Variants in CHD2 observed in about 807,000 individuals in gnomAD.
CHD2 encodes chromodomain helicase DNA binding protein 2, also known as ATP-dependent chromatin remodeler CHD2.
CHD2 carries 28 observed loss-of-function variants against 243.9 expected under a neutral mutation model. The observed-to-expected ratio is 0.11, with a 90% CI of 0.09 to 0.16. CHD2 has a LOEUF of 0.16. Ranked by LOEUF, CHD2 falls within the 10% of genes least tolerant of loss-of-function variation. The probability of loss-of-function intolerance (pLI) is 1.00; values close to 1 mark genes in which losing one functional copy is unlikely to be tolerated. For missense variants in CHD2, 1,386 were observed against 2,209.8 expected, an observed-to-expected ratio of 0.63 and a Z score of 7.47; for synonymous variants, 775 against 779.0, an observed-to-expected ratio of 0.99 and a Z score of 0.09.
At chr15:92,916,216 G>GC (rs922185093) in intron 2 of CHD2, among the ~76,000 whole-genome samples, 2 of 144,438 alleles carry the variant, frequency 1.4e-5, no homozygotes, top group Admixed American at 7.0e-5. Flanking sequence ...ACCAAGCTGT[G>GC]CCCCATCACC....
At chr15:92,949,172 T>C in intron 13 of CHD2, 96 bp downstream of exon 13, 2 of 1,560,754 alleles carry the variant, frequency 1.3e-6, no homozygotes, top group Non-Finnish European at 1.7e-6. Context: ...CACACCCTTA[T>C]TGTATCTCAA....
chr15:92,925,910 ATGT>A (rs537198903), intron 3 of CHD2, among the ~76,000 whole-genome samples: 19 of 151,994 alleles, frequency 1.3e-4, no homozygotes, highest in East Asian at 1.9e-4. Flanking sequence ...CATCATTTTT[ATGT>A]TGTTGTTGTT....
At chr15:93,013,832 G>A (rs545465952) in intron 36 of CHD2, among the ~76,000 whole-genome samples, 1 of 149,992 alleles carries the variant, frequency 6.7e-6, no homozygotes, top group East Asian at 2.1e-4. Flanking sequence ...CCCCTCAGGA[G>A]GCTGAAGTGG....
intron 2 of CHD2, among the ~76,000 whole-genome samples, chr15:92,914,779 TTAGG>T (rs1242761234): frequency 1.3e-5 from 2 of 152,138 alleles, no homozygotes; most frequent in Non-Finnish European, 2.9e-5. Context: ...GATTAACAAA[TTAGG>T]TAGCACCCCA....
At chr15:92,979,866 C>T (rs1016132929) in intron 22 of CHD2, among the ~76,000 whole-genome samples, 1 of 150,616 alleles carries the variant, frequency 6.6e-6, no homozygotes, top group East Asian at 1.9e-4. Flanking sequence ...TACAGTGAGC[C>T]GAGATTGTGC....
rs2054203935 is a variant in CHD2, at chr15:92,997,665, A to G, written c.3885+262A>G. 3.6e-6 allele frequency: 1 copy of G among 276,204 alleles called. No homozygotes were observed. Among genetic ancestry groups the G allele is most frequent in the African/African-American group, 2.2e-5 (1 of 45,288 alleles). 17.1% of individuals were successfully genotyped at this position (276,204 alleles called of 1,614,324 possible). On this transcript the variant is annotated intron_variant, in intron 30 of 38. Coordinates refer to ENST00000394196, the MANE Select transcript of CHD2 (RefSeq NM_001271.4). The surrounding 1 kb of genome is among the most constrained non-coding windows in gnomAD (Gnocchi z 4.1). The stretch of plus-strand genomic sequence containing the variant: ...GGTATTTAATTATAGGTCAGATTTC[A>G]TTACAATAAATACCCAGGTGAGTTT...
chr15:92,995,525 T>C (rs1015226202), intron 28 of CHD2, among the ~76,000 whole-genome samples: 1 of 152,214 alleles, frequency 6.6e-6, no homozygotes, highest in Admixed American at 6.5e-5. Context: ...GAAGAGAACA[T>C]ACTCTTTTGC....
intron 2 of CHD2, chr15:92,904,368 C>A (rs962982294): frequency 1.0e-5 from 9 of 870,108 alleles, no homozygotes; most frequent in Non-Finnish European, 1.1e-5. Flanking sequence ...GCGCCTTCGG[C>A]AGCCTCCGCC....
chr15:92,901,133 G>GC, intron 1 of CHD2, 34 bp from the exon 2 acceptor site: 1 of 714,312 alleles, frequency 1.4e-6, no homozygotes, highest in Non-Finnish European at 2.5e-6. Flanking sequence ...ATCGATAGAA[G>GC]CCGGGACCTT....
chr15:92,936,088 T>C (rs1257462775), intron 5 of CHD2, among the ~76,000 whole-genome samples: 2 of 152,156 alleles, frequency 1.3e-5, no homozygotes, highest in Admixed American at 1.3e-4. Flanking sequence ...TTGAATAATA[T>C]TCATAAAATT....
intron 32 of CHD2, 99 bp from the exon 33 acceptor site, chr15:93,002,078 C>A: frequency 6.9e-7 from 1 of 1,455,390 alleles, no homozygotes; most frequent in African/African-American, 1.4e-5. Context: ...TAAGTATAGA[C>A]AGTGATGAAC....
At chr15:92,903,231 T>C (rs1056439389) in intron 2 of CHD2, among the ~76,000 whole-genome samples, 5 of 152,252 alleles carry the variant, frequency 3.3e-5, no homozygotes, top group Non-Finnish European at 5.9e-5. Context: ...GGTAGATTAA[T>C]ATTACTTCTA....
Position 92,997,475 on chromosome 15 carries a change from TCTAA to T in CHD2, c.3885+76_3885+79del. 7.3e-7 allele frequency: 1 copy of T among 1,372,458 alleles called. No homozygotes were observed. The allele number at this position is 1,372,458 out of a possible 1,614,324, so 85.0% of individuals were successfully genotyped here. ...AATATTTTTATATCGATTACTTATT[TCTAA>T]CTATTTTCGAGGGGGCATCAAATTA... On this transcript the variant is annotated intron_variant, in intron 30 of 38. Transcript: ENST00000394196. This position sits in a 1 kb window ranked among gnomAD's most constrained non-coding sequence, Gnocchi z 4.1.
chr15:92,951,858 C>T (rs2053558691), intron 13 of CHD2, among the ~76,000 whole-genome samples: 1 of 152,098 alleles, frequency 6.6e-6, no homozygotes, highest in South Asian at 2.1e-4. Context: ...TGTATTTTAC[C>T]CTTTAAACTA....
intron 5 of CHD2, 49 bp from the exon 6 acceptor site, chr15:92,937,469 T>C (rs1049195814): frequency 2.7e-5 from 37 of 1,375,440 alleles, no homozygotes; most frequent in Non-Finnish European, 3.7e-5. Flanking sequence ...TTATTTATCT[T>C]GAAGGATTCT....
chr15:93,019,360 GA>G (rs1474149933), intron 37 of CHD2, among the ~76,000 whole-genome samples: 1 of 152,198 alleles, frequency 6.6e-6, no homozygotes, highest in Non-Finnish European at 1.5e-5. Flanking sequence ...CCACAGATTG[GA>G]AGGTTAAACA....
chr15:92,958,070 G>T (rs1469911603), intron 16 of CHD2, among the ~76,000 whole-genome samples: 1 of 152,122 alleles, frequency 6.6e-6, no homozygotes, highest in Non-Finnish European at 1.5e-5. Flanking sequence ...TTGTTTTGGG[G>T]TTATTATATC....
intron 19 of CHD2, among the ~76,000 whole-genome samples, chr15:92,974,513 G>T (rs929749312): frequency 2.0e-5 from 3 of 152,128 alleles, no homozygotes; most frequent in Non-Finnish European, 4.4e-5. Flanking sequence ...TTATTATTGG[G>T]TGACCCGTGG....
At chr15:92,993,079 A>G (rs2141861854) in intron 28 of CHD2, 81 bp downstream of exon 28, 1 of 1,514,908 alleles carries the variant, frequency 6.6e-7, no homozygotes, top group Admixed American at 1.8e-5. Context: ...CGTTTTAAGG[A>G]CAGGCTTGAG....
Sources: gnomAD v4.1 joint callset for allele counts (sites outside exome capture counted in the v4.1 genomes callset) on GRCh38, gnomAD v4.1.1 for gene constraint, Gnocchi (gnomAD v3.1) non-coding constraint, MANE v1.5 for transcripts, NCBI Gene and HGNC (gene_info 2026-07-23, HGNC 2026-07-21) for gene names.